KIAA0586: variants seen among roughly 807,000 people sequenced by gnomAD.
The protein encoded by KIAA0586 is KIAA0586.
In KIAA0586, 144 loss-of-function variants were observed where a neutral mutation model predicts 169.8. The ratio of observed to expected loss-of-function variants is 0.85; its 90% CI spans 0.74 to 0.97. The LOEUF (loss-of-function observed/expected upper bound fraction) is 0.97. Among genes scored for constraint, KIAA0586 ranks in the 50% least tolerant of loss-of-function variants. KIAA0586 has a pLI of 0.00. For synonymous variants in KIAA0586, 625 were observed against 612.4 expected, an observed-to-expected ratio of 1.02 and a Z score of -0.30; for missense variants, 1,854 against 1,823.0, an observed-to-expected ratio of 1.02 and a Z score of -0.31.
Position 58,467,903 on chromosome 14 carries a change from C to A in KIAA0586, c.2423C>A (p.Pro808His). ...GAAATGAAGTCAGAAAAAAAGGATC[C>A]TCCTCAGCTTACTGTGCAGGTATGC... ...IVEMKSEKKD[P>H]PQLTVQVLPS... Residue 808 changes from proline to histidine, a missense_variant, in exon 16 of 31, where the codon CCT (proline) becomes CAT (histidine). Pro to His is a moderately conservative substitution (Grantham distance 77, BLOSUM62 -2). Coordinates refer to ENST00000652326, the MANE Select transcript of KIAA0586 (RefSeq NM_001329943.3). 2 of 1,612,850 alleles carry A rather than the reference C, an allele frequency of 1.2e-6. No homozygotes were observed.
Position 58,428,228 on chromosome 14 carries a change from C to G in KIAA0586, c.-37C>G, listed in dbSNP as rs755452819. On this transcript the variant is annotated 5_prime_UTR_variant, in exon 1 of 31. Coordinates refer to ENST00000652326, the MANE Select transcript of KIAA0586 (RefSeq NM_001329943.3). ...CTTAAGGAAACAGAGAAAGTTTTTCCGTCCTTAAGTGTGGGACTTGTTTTG... is the reference window on the plus strand; with the variant it reads ...CTTAAGGAAACAGAGAAAGTTTTTCGGTCCTTAAGTGTGGGACTTGTTTTG... The G allele has an allele frequency of 1.3e-6, 2 of 1,587,408 alleles. No individual in the cohort carries two copies. The highest frequency in any genetic ancestry group is 2.2e-5 in the East Asian group (1 of 44,510).
chr14:58,544,104 G>A (rs2046835501), intron 30 of KIAA0586: 1 of 291,902 alleles, frequency 3.4e-6, no homozygotes, highest in Non-Finnish European at 6.8e-6. Flanking sequence ...CCACTTATAA[G>A]TGAGAACATG....
chr14:58,444,292 C>T, intron 6 of KIAA0586, 117 bp downstream of exon 6: 1 of 692,710 alleles, frequency 1.4e-6, no homozygotes, highest in East Asian at 2.7e-5. Flanking sequence ...GTTCTGAAAT[C>T]ATGATTTGCT....
Position 58,481,287 on chromosome 14 carries a change from C to T in KIAA0586, c.2945-1226C>T, listed in dbSNP as rs559982122. Among the ~76,000 whole-genome samples the T allele has an allele frequency of 5.9e-5, 9 of 152,272 alleles. No individual in the cohort carries two copies. The East Asian group carries it at 1.2e-3, about 20-fold the overall frequency. ...TACAAATGAGTATCCACTTATTTTCCGCATGGAGCTTTATAAATATCACTA... is the reference window on the plus strand; with the variant it reads ...TACAAATGAGTATCCACTTATTTTCTGCATGGAGCTTTATAAATATCACTA... On this transcript the variant is annotated intron_variant, in intron 20 of 30. Coordinates refer to ENST00000652326, the MANE Select transcript of KIAA0586 (RefSeq NM_001329943.3).
chr14:58,509,338 T>A (rs1482375228), intron 28 of KIAA0586, among the ~76,000 whole-genome samples: 1 of 152,200 alleles, frequency 6.6e-6, no homozygotes, highest in Non-Finnish European at 1.5e-5. Flanking sequence ...ATATAGTAGG[T>A]GCTTGATAAG....
rs2040886171 is a variant in KIAA0586 at position 58,467,839 on chromosome 14, G to A, written c.2359G>A (p.Val787Ile). 6.2e-7 allele frequency: 1 copy of A among 1,613,644 alleles called. No homozygotes were observed. The change falls in exon 16 of 31, where the codon GTA becomes ATA. Residue 787 changes from valine to isoleucine, a missense_variant. Physicochemically the swap from Val to Ile is conservative, Grantham distance 29. Coordinates refer to ENST00000652326, the MANE Select transcript of KIAA0586 (RefSeq NM_001329943.3). ...TTCTATTCCTCCATCATCTCGAAAA[G>A]TAGAAACTGGAGTAAAGAAACCTAA... is the stretch of plus-strand genomic sequence containing the variant. The part of the protein sequence containing the change: ...TTSIPPSSRK[V>I]ETGVKKPNIA...
intron 30 of KIAA0586, among the ~76,000 whole-genome samples, chr14:58,541,123 C>CA (rs1259912769): frequency 6.6e-6 from 1 of 152,186 alleles, no homozygotes; most frequent in Non-Finnish European, 1.5e-5. Context: ...ATTTTAAAGA[C>CA]AAGATCTGGT....
At chr14:58,439,503 A>C (rs910076465) in intron 4 of KIAA0586, among the ~76,000 whole-genome samples, 3 of 151,600 alleles carry the variant, frequency 2.0e-5, no homozygotes, top group African/African-American at 4.8e-5. Flanking sequence ...CCATTTCTTC[A>C]TCTGTAAAAT....
At position 58,439,022 on chromosome 14, in the gene KIAA0586, C is replaced by T. The variant is rs139218591; in HGVS notation, c.411-3684C>T. On this transcript the variant is annotated intron_variant, in intron 4 of 30. Transcript: ENST00000652326. ...GTTAGTAATAGGTGATGAAACCTTA[C>T]GGTTGAGAGAGAGAAGTGAGAAGGG... Among the ~76,000 whole-genome samples, 56 of 152,164 alleles carry T rather than the reference C, an allele frequency of 3.7e-4. 1 individual carries two copies. The highest frequency in any genetic ancestry group is 1.2e-3 in the African/African-American group (51 of 41,500).
chr14:58,540,507 A>G (rs1418811092), intron 30 of KIAA0586, among the ~76,000 whole-genome samples: 1 of 152,206 alleles, frequency 6.6e-6, no homozygotes, highest in Non-Finnish European at 1.5e-5. Flanking sequence ...AGCAGCTGGA[A>G]CCTGGCATAA....
At chr14:58,467,010 A>G (rs1296967112) in intron 15 of KIAA0586, among the ~76,000 whole-genome samples, 1 of 151,846 alleles carries the variant, frequency 6.6e-6, no homozygotes, top group Admixed American at 6.6e-5. Context: ...TTTTCCCTTT[A>G]GTGTCATTGC....
chr14:58,459,556 A>C (rs2040159097), intron 12 of KIAA0586, among the ~76,000 whole-genome samples: 1 of 152,158 alleles, frequency 6.6e-6, no homozygotes, highest in Non-Finnish European at 1.5e-5. Flanking sequence ...AACATCAAAA[A>C]GTATAAGAAG....
chr14:58,556,309 G>GA, the KIAA0586 span, among the ~76,000 whole-genome samples: 9 of 152,236 alleles, frequency 5.9e-5, no homozygotes, highest in Admixed American at 2.0e-4. Context: ...ATTCTGTACA[G>GA]AAAATGCCTT....
rs1267756081 is a variant in KIAA0586 at position 58,488,020 on chromosome 14, A to G, written c.3438A>G (p.Pro1146=). Residue 1146 remains proline, a synonymous_variant, in exon 23 of 31, where the codon CCA becomes CCG. Coordinates refer to ENST00000652326, the MANE Select transcript of KIAA0586 (RefSeq NM_001329943.3). ...ISIDKLKVSS[P]ELPKPWGDGD... ...TTGATAAATTGAAGGTATCAAGCCCAGAGCTTCCCAAGCCATGGGGTGATG... is the reference window on the plus strand; with the variant it reads ...TTGATAAATTGAAGGTATCAAGCCCGGAGCTTCCCAAGCCATGGGGTGATG... The G allele has an allele frequency of 3.1e-6, 5 of 1,610,608 alleles. No individual in the cohort carries two copies. The highest frequency in any genetic ancestry group is 4.2e-6 in the Non-Finnish European group (5 of 1,178,482).
At chr14:58,448,562 A>G in intron 7 of KIAA0586, 69 bp downstream of exon 7, 1 of 1,157,656 alleles carries the variant, frequency 8.6e-7, no homozygotes, top group African/African-American at 1.6e-5. Context: ...ACATAAGCTG[A>G]AAACATATTT....
At chr14:58,432,322 G>A in intron 3 of KIAA0586, 66 bp from the exon 4 acceptor site, 3 of 952,588 alleles carry the variant, frequency 3.1e-6, no homozygotes, top group Non-Finnish European at 4.7e-6. Context: ...GATTTTTTTA[G>A]TAGCTTATTA....
chr14:58,486,153 C>T (rs1161417738), intron 21 of KIAA0586, among the ~76,000 whole-genome samples: 1 of 152,138 alleles, frequency 6.6e-6, no homozygotes, highest in Admixed American at 6.5e-5. Flanking sequence ...ATGTTTATGT[C>T]TATGTGTGCT....
At chr14:58,440,167 A>G (rs933582125) in intron 4 of KIAA0586, 1 of 445,894 alleles carries the variant, frequency 2.2e-6, no homozygotes, top group Non-Finnish European at 4.5e-6. Context: ...ACAGGCATGT[A>G]GCACTACACC....
At chr14:58,517,623 A>G (rs915769465) in intron 29 of KIAA0586, among the ~76,000 whole-genome samples, 1 of 152,212 alleles carries the variant, frequency 6.6e-6, no homozygotes, top group African/African-American at 2.4e-5. Flanking sequence ...TTTCCTATGT[A>G]TTCATTCAAG....
Sources: gnomAD v4.1 joint callset for allele counts (sites outside exome capture counted in the v4.1 genomes callset) on GRCh38, gnomAD v4.1.1 for gene constraint, MANE v1.5 for transcripts, NCBI Gene and HGNC (gene_info 2026-07-23, HGNC 2026-07-21) for gene names.